USH2A: variants seen among roughly 807,000 people sequenced by gnomAD.
The protein encoded by USH2A is usherin, also known as Usher syndrome 2A (autosomal recessive, mild).
In USH2A, 443 loss-of-function variants were observed where a neutral mutation model predicts 538.9. The observed-to-expected ratio is 0.82, with a 90% CI of 0.76 to 0.89. The LOEUF is 0.89. USH2A is among the 40% of genes least tolerant of loss of function. The pLI is 0.00. For missense variants in USH2A, 6,633 were observed against 6,324.8 expected, an observed-to-expected ratio of 1.05 and a Z score of -1.65; for synonymous variants, 2,413 against 2,273.5, an observed-to-expected ratio of 1.06 and a Z score of -1.75.
At chr1:215,632,180 A>C (rs1310331007) in intron 70 of USH2A, among the ~76,000 whole-genome samples, 1 of 151,884 alleles carries the variant, frequency 6.6e-6, no homozygotes, top group Non-Finnish European at 1.5e-5. Context: ...CTCCTGCCTC[A>C]ACCTCCCAAA....
At position 215,981,617 on chromosome 1, in the gene USH2A, A is replaced by G. The variant is rs560103399; in HGVS notation, c.6806-10841T>C. On this transcript the variant is annotated intron_variant, in intron 35 of 71. Coordinates refer to ENST00000307340, the MANE Select transcript of USH2A (RefSeq NM_206933.4). ...GGCCTTGAGGACTCCTCAGGATATA[A>G]CTATTGGCTAAACACTCCTTGCAAC... Among the ~76,000 whole-genome samples, 226 of 152,252 alleles carry G rather than the reference A, an allele frequency of 1.5e-3. 2 individuals are homozygous for G. Among genetic ancestry groups the G allele is most frequent in the Admixed American group, 2.5e-3 (38 of 15,290 alleles).
intron 14 of USH2A, among the ~76,000 whole-genome samples, chr1:216,228,997 C>G (rs1361837918): frequency 6.6e-6 from 1 of 151,982 alleles, no homozygotes; most frequent in Admixed American, 6.6e-5. Context: ...CATGGTGAAA[C>G]CCTGTCTCCA....
chr1:215,700,297 G>T (rs1232504202), intron 61 of USH2A, among the ~76,000 whole-genome samples: 7 of 152,118 alleles, frequency 4.6e-5, no homozygotes. Context: ...GCCAGGTTTT[G>T]GTATCAGGAT....
chr1:216,232,268 T>C, intron 13 of USH2A, 132 bp from the exon 14 acceptor site: 1 of 1,053,576 alleles, frequency 9.5e-7, no homozygotes, highest in Non-Finnish European at 1.4e-6. Context: ...TGTGGTTATA[T>C]CTGTCCTTCA....
rs1667308385 is a variant in USH2A at position 215,965,216 on chromosome 1, A to G, written c.7120+101T>C. ...TTTTCAGGAAAATAAAGAAACCAACATCTGTGGCTAAAAGAAAGATTTTAG... is the reference window on the plus strand; with the variant it reads ...TTTTCAGGAAAATAAAGAAACCAACGTCTGTGGCTAAAAGAAAGATTTTAG... On this transcript the variant is annotated intron_variant, in intron 37 of 71. Transcript: ENST00000307340. 2.3e-6 allele frequency: 3 copies of G among 1,322,964 alleles called. No homozygotes were observed. The East Asian group carries it at 7.5e-5, about 33-fold the overall frequency. 82.0% of individuals were successfully genotyped at this position (1,322,964 alleles called of 1,614,324 possible).
chr1:216,247,803 G>A (rs2036082420), intron 12 of USH2A, among the ~76,000 whole-genome samples: 2 of 152,016 alleles, frequency 1.3e-5, no homozygotes, highest in Admixed American at 1.3e-4. Flanking sequence ...AGTACATGAG[G>A]TGATGGATAC....
intron 37 of USH2A, among the ~76,000 whole-genome samples, chr1:215,944,715 G>A (rs1666716702): frequency 6.6e-6 from 1 of 152,038 alleles, no homozygotes; most frequent in African/African-American, 2.4e-5. Context: ...TAACTGAAGA[G>A]TAATTAATGT....
intron 21 of USH2A, among the ~76,000 whole-genome samples, chr1:216,172,258 C>A (rs1265207038): frequency 6.6e-6 from 1 of 151,916 alleles, no homozygotes. Context: ...TGTTCATGGC[C>A]ATGAAATGTG....
In USH2A at chr1:216,199,927, T is replaced by C. The variant is rs2034944328; in HGVS notation, c.3511A>G (p.Thr1171Ala). 1 of 1,614,124 alleles carries C rather than the reference T, an allele frequency of 6.2e-7. No homozygotes were observed. The highest frequency in any genetic ancestry group is 8.5e-7 in the Non-Finnish European group (1 of 1,179,998). ...ATGGGACCAGATTGATTTGAGAGTG[T>C]TGTCCAGGTAAGTGTCACAGAGTCT... ...GSDSVTLTWT[T>A]LSNQSGPIEK... Residue 1171 changes from threonine to alanine, a missense_variant, in exon 17 of 72, where the codon ACA becomes GCA. Coordinates refer to ENST00000307340, the MANE Select transcript of USH2A (RefSeq NM_206933.4).
intron 35 of USH2A, among the ~76,000 whole-genome samples, chr1:215,973,656 C>CTTTTTTTTTTTTTT (rs750306238): frequency 4.6e-5 from 6 of 130,960 alleles, no homozygotes; most frequent in South Asian, 2.4e-4. Context: ...TCTTCTTCTT[C>CTTTTTTTTTTTTTT]TTTTTTTTTT....
At chr1:216,104,107 T>G (rs1316427208) in intron 21 of USH2A, among the ~76,000 whole-genome samples, 14 of 152,144 alleles carry the variant, frequency 9.2e-5, no homozygotes, top group African/African-American at 3.4e-4. Context: ...AGGGTACATG[T>G]GCACAACGTG....
chr1:215,830,509 A>C lies in USH2A; in HGVS notation c.9371+7482T>G, dbSNP rs562819704. 1.1e-4 allele frequency among the ~76,000 whole-genome samples: 16 copies of C among 152,296 alleles called. No individual in the cohort carries two copies. In the South Asian group the frequency reaches 3.3e-3, roughly 32 times the overall value. On this transcript the variant is annotated intron_variant, in intron 47 of 71. Transcript: ENST00000307340. ...TGCCTAAGAACAACTCCAGTTATGC[A>C]AATTTGGAGGCAGGCTGGGAGGCAA...
At chr1:215,827,670 A>G (rs1417406454) in intron 47 of USH2A, among the ~76,000 whole-genome samples, 1 of 152,118 alleles carries the variant, frequency 6.6e-6, no homozygotes, top group Non-Finnish European at 1.5e-5. Flanking sequence ...AGTGTAGTCC[A>G]AATTCTCTCT....
intron 58 of USH2A, among the ~76,000 whole-genome samples, chr1:215,747,193 T>C (rs1160861315): frequency 2.0e-5 from 3 of 152,138 alleles, no homozygotes; most frequent in Non-Finnish European, 4.4e-5. Flanking sequence ...GTGAACTCAA[T>C]GTGGATTTTC....
chr1:215,758,805 A>G, intron 57 of USH2A, 53 bp from the exon 58 acceptor site: 30 of 1,574,864 alleles, frequency 1.9e-5, no homozygotes, highest in Non-Finnish European at 2.6e-5. Flanking sequence ...AAGAGACTTG[A>G]ACAATGATTA....
In USH2A at chr1:215,674,514, G is replaced by A; in HGVS notation, c.13397C>T (p.Pro4466Leu). The A allele has an allele frequency of 6.2e-7, 1 of 1,614,164 alleles. No homozygotes were observed. The highest frequency in any genetic ancestry group is 8.5e-7 in the Non-Finnish European group (1 of 1,180,018). Residue 4466 changes from proline (P) to leucine (L), a missense_variant, in exon 63 of 72, where the codon CCT becomes CTT. Pro to Leu is a moderately conservative substitution (Grantham distance 98). Transcript: ENST00000307340. ...GSESIEITWKPPRNPNGQIRS... is the reference protein window; with the variant it reads ...GSESIEITWKLPRNPNGQIRS... ...GATCTGGCCATTTGGGTTTCTTGGAGGTTTCCAGGTGATTTCTATTGATTC... is the reference window on the plus strand; with the variant it reads ...GATCTGGCCATTTGGGTTTCTTGGAAGTTTCCAGGTGATTTCTATTGATTC...
chr1:216,000,662 TA>T, intron 32 of USH2A, 100 bp from the exon 33 acceptor site: 1 of 1,439,156 alleles, frequency 6.9e-7, no homozygotes, highest in African/African-American at 1.4e-5. Flanking sequence ...ATTGTTAAGA[TA>T]AGGCTTAAAA....
In USH2A at chr1:216,078,124, A is replaced by G; in HGVS notation, c.5537T>C (p.Leu1846Pro). The change falls in exon 27 of 72, where the codon CTG (leucine) becomes CCG (proline). Residue 1846 changes from leucine (L) to proline (P), a missense_variant. Coordinates refer to ENST00000307340, the MANE Select transcript of USH2A (RefSeq NM_206933.4). ...PVYVGGIPQELLNSYQHLCLE... is the reference protein window; with the variant it reads ...PVYVGGIPQEPLNSYQHLCLE... Reference sequence around the variant, plus strand: ...ACACAAATGTTGATAAGAGTTCAGCAGTTCCTGTGGGATTCCTCCCACATA... The same window carrying G: ...ACACAAATGTTGATAAGAGTTCAGCGGTTCCTGTGGGATTCCTCCCACATA... The G allele has an allele frequency of 1.2e-6, 2 of 1,613,738 alleles. No homozygotes were observed. The highest frequency in any genetic ancestry group is 1.7e-6 in the Non-Finnish European group (2 of 1,179,778).
At chr1:215,685,080 C>G (rs955053419) in intron 61 of USH2A, among the ~76,000 whole-genome samples, 1 of 152,030 alleles carries the variant, frequency 6.6e-6, no homozygotes, top group African/African-American at 2.4e-5. Context: ...AGAAGCAGTT[C>G]GAGCTCCCAT....
Sources: allele counts gnomAD v4.1 joint callset (sites outside exome capture counted in the v4.1 genomes callset), GRCh38; gene constraint gnomAD v4.1.1; transcripts MANE v1.5; gene names NCBI Gene and HGNC (gene_info 2026-07-23, HGNC 2026-07-21).